MYEF2: variants seen among roughly 807,000 people sequenced by gnomAD.
The protein encoded by MYEF2 is myelin expression factor 2.
In MYEF2, 37 loss-of-function variants were observed where a neutral mutation model predicts 75.2. The ratio of observed to expected loss-of-function variants is 0.49; its 90% CI spans 0.38 to 0.65. The LOEUF (loss-of-function observed/expected upper bound fraction) is 0.65. Among genes scored for constraint, MYEF2 ranks in the 30% least tolerant of loss-of-function variants. MYEF2 has a pLI of 0.00. For synonymous variants in MYEF2, 195 were observed against 241.6 expected (o/e 0.81, Z 1.79); for missense variants, 634 against 771.4 (o/e 0.82, Z 2.11).
chr15:48,151,144 C>T lies in MYEF2; in HGVS notation c.1334G>A (p.Gly445Glu), dbSNP rs1387991306. Residue 445 changes from glycine (G) to glutamate (E), a missense_variant, in exon 14 of 17, where the codon GGA becomes GAA. Physicochemically the swap from Gly to Glu is moderately conservative, Grantham distance 98 (BLOSUM62 -2). Coordinates refer to ENST00000324324, the MANE Select transcript of MYEF2 (RefSeq NM_016132.5). ...LGSAMIGGFA[G>E]RIGSSNMGPV... ...ACCCATGTTAGAAGATCCTATTCTT[C>T]CTGCAAACCCTCCAATCATTGCACT... is the stretch of plus-strand genomic sequence containing the variant. The T allele has an allele frequency of 1.2e-6, 2 of 1,610,792 alleles. No individual in the cohort carries two copies. Among genetic ancestry groups the T allele is most frequent in the South Asian group, 1.1e-5 (1 of 90,698 alleles).
intron 5 of MYEF2, chr15:48,162,975 G>A (rs1270777589): frequency 6.6e-6 from 1 of 152,096 alleles, no homozygotes; most frequent in African/African-American, 2.4e-5. Flanking sequence ...AAAAGAAAGA[G>A]TTGCAAGTCT....
intron 14 of MYEF2, among the ~76,000 whole-genome samples, chr15:48,150,589 C>T (rs1457039904): frequency 6.6e-6 from 1 of 151,922 alleles, no homozygotes; most frequent in Non-Finnish European, 1.5e-5. Context: ...CCCAGTGTTG[C>T]AACTACTCTT....
chr15:48,163,270 A>C (rs1013486786), intron 5 of MYEF2, among the ~76,000 whole-genome samples: 1 of 152,228 alleles, frequency 6.6e-6, no homozygotes, highest in African/African-American at 2.4e-5. Context: ...GTTTGTGCTT[A>C]TAACATTTCA....
In MYEF2 at chr15:48,141,195, T is replaced by C. The variant is rs569067927; in HGVS notation, c.*1713A>G. 263 of 1,613,414 alleles carry C rather than the reference T, an allele frequency of 1.6e-4. 2 individuals are homozygous for C. The South Asian group carries it at 2.7e-3, about 16-fold the overall frequency. The stretch of plus-strand genomic sequence containing the variant: ...CAAGCATACCAGACACAATTGCAAG[T>C]GTGTTGGTTGCAAGAAAAGGTAAGA... On this transcript the variant is annotated 3_prime_UTR_variant, in exon 17 of 17. Transcript: ENST00000324324.
chr15:48,174,844 T>C (rs1358868448), intron 1 of MYEF2, among the ~76,000 whole-genome samples: 3 of 152,058 alleles, frequency 2.0e-5, no homozygotes, highest in South Asian at 2.1e-4. Context: ...GGTGGGAATA[T>C]ACATTGGTAC....
chr15:48,148,924 G>A, intron 16 of MYEF2, 108 bp downstream of exon 16: 2 of 1,087,506 alleles, frequency 1.8e-6, no homozygotes, highest in Non-Finnish European at 2.8e-6. Flanking sequence ...AGACTATCCA[G>A]GAATAGGCAT....
intron 13 of MYEF2, 84 bp downstream of exon 13, chr15:48,151,389 C>A: frequency 1.5e-6 from 2 of 1,293,400 alleles, no homozygotes; most frequent in East Asian, 4.6e-5. Context: ...TTATGATTTT[C>A]TGATTTTTCA....
chr15:48,166,362 C>T (rs933333927), intron 3 of MYEF2, among the ~76,000 whole-genome samples: 7 of 151,820 alleles, frequency 4.6e-5, no homozygotes, highest in Admixed American at 2.0e-4. Flanking sequence ...GCTTGGAGCA[C>T]ATTTTTCACT....
chr15:48,135,046 T>A lies in MYEF2; in HGVS notation c.*7862A>T. The A allele has an allele frequency of 7.5e-7, 1 of 1,331,054 alleles. No homozygotes were observed. The allele number at this position is 1,331,054 out of a possible 1,614,324, so 82.5% of individuals were successfully genotyped here. The stretch of plus-strand genomic sequence containing the variant: ...ATTTTATGAATTTCTGATGGTTCAG[T>A]AATTTTTTTTCAGAAATGTTATTTC... On this transcript the variant is annotated 3_prime_UTR_variant, in exon 17 of 17. Coordinates refer to ENST00000324324, the MANE Select transcript of MYEF2 (RefSeq NM_016132.5).
Position 48,141,494 on chromosome 15 carries a change from T to C in MYEF2, c.*1414A>G, listed in dbSNP as rs2039083501. On this transcript the variant is annotated 3_prime_UTR_variant, in exon 17 of 17. Transcript: ENST00000324324. ...CAGGAGGCTGAGGCAGGAGAATTGT[T>C]TGAATCCAGGAGGCGGAGGTTGCAG... The C allele has an allele frequency of 4.4e-6, 1 of 228,352 alleles. No individual in the cohort carries two copies. Among genetic ancestry groups the C allele is most frequent in the Non-Finnish European group, 8.7e-6 (1 of 115,082 alleles). 14.1% of individuals were successfully genotyped at this position (228,352 alleles called of 1,614,324 possible). A position where few individuals can be genotyped will look rare whatever the true frequency, so the allele number is the denominator to read the frequency against.
chr15:48,150,069 A>T (rs1372695873), intron 14 of MYEF2: 2 of 152,078 alleles, frequency 1.3e-5, no homozygotes, highest in Non-Finnish European at 2.9e-5. Context: ...CTTCATTCTT[A>T]TGCACTGACT....
chr15:48,168,760 G>T lies in MYEF2; in HGVS notation c.241C>A (p.His81Asn). The T allele has an allele frequency of 6.2e-7, 1 of 1,613,670 alleles. No individual in the cohort carries two copies. Among genetic ancestry groups the T allele is most frequent in the Non-Finnish European group, 8.5e-7 (1 of 1,179,702 alleles). ...STGSKKANRFHPYSKDKNSGA... is the reference protein window; with the variant it reads ...STGSKKANRFNPYSKDKNSGA... ...GAATTCTTGTCTTTTGAATAAGGAT[G>T]AAATCTATTGGCCTTCTTACTTCCT... Residue 81 changes from histidine (H) to asparagine (N), a missense_variant, in exon 2 of 17, where the codon CAT becomes AAT. Coordinates refer to ENST00000324324, the MANE Select transcript of MYEF2 (RefSeq NM_016132.5).
rs780154711 is a variant in MYEF2 at position 48,168,627 on chromosome 15, T to C, written c.370+4A>G. 6 of 1,600,972 alleles carry C rather than the reference T, an allele frequency of 3.7e-6. No individual in the cohort carries two copies. The highest frequency in any genetic ancestry group is 5.1e-6 in the Non-Finnish European group (6 of 1,168,950). On this transcript the variant is annotated splice_donor_region_variant and intron_variant, in intron 2 of 16. Coordinates refer to ENST00000324324, the MANE Select transcript of MYEF2 (RefSeq NM_016132.5). ...CAACAGTGGGTTATTTCAGAGATAG[T>C]TACCTTTCTCTCTCATTAGATCTTT...
chr15:48,151,499 C>T lies in MYEF2; in HGVS notation c.1280G>A (p.Gly427Asp), dbSNP rs754176164. The change falls in exon 13 of 17, where the codon GGC (glycine) becomes GAC (aspartate). Residue 427 changes from glycine (G) to aspartate (D), a missense_variant. Physicochemically the swap from Gly to Asp is moderately conservative, Grantham distance 94 (BLOSUM62 -1). Transcript: ENST00000324324. ...FGRGDIGINR[G>D]FGDSFGRLGS... ...AAGTCTACCAAAGGAATCTCCAAAG[C>T]CTCGATTTATTCCAATATCACCACG... The T allele has an allele frequency of 2.5e-6, 4 of 1,612,868 alleles. No individual in the cohort carries two copies. Among genetic ancestry groups the T allele is most frequent in the Non-Finnish European group, 3.4e-6 (4 of 1,179,186 alleles).
At chr15:48,151,602 T>A (rs1263673012) in intron 12 of MYEF2, 31 bp from the exon 13 acceptor site, 1 of 1,537,808 alleles carries the variant, frequency 6.5e-7, no homozygotes, top group African/African-American at 1.4e-5. Context: ...ATTAACCTTT[T>A]CAAATATATC....
At position 48,155,147 on chromosome 15, in the gene MYEF2, TAA is replaced by T. The variant is rs2039644256; in HGVS notation, c.986-1256_986-1255del. Among the ~76,000 whole-genome samples the T allele has an allele frequency of 2.0e-5, 3 of 152,014 alleles. No individual in the cohort carries two copies. The South Asian group carries it at 6.2e-4, about 32-fold the overall frequency. On this transcript the variant is annotated intron_variant, in intron 9 of 16. Transcript: ENST00000324324. ...AAAAAAACTATCAAAGTGATTTTTT[TAA>T]AAAGTCTAAGCCCAGCAATAACACC...
intron 5 of MYEF2, among the ~76,000 whole-genome samples, chr15:48,160,179 CA>C (rs1352055673): frequency 3.9e-5 from 6 of 152,024 alleles, no homozygotes; most frequent in African/African-American, 1.2e-4. Flanking sequence ...ATTGGATGCC[CA>C]ATGGAATGCC....
At position 48,159,738 on chromosome 15, in the gene MYEF2, C is replaced by T. The variant is rs754292949; in HGVS notation, c.592G>A (p.Val198Ile). ...ATCAACCCTGATCCCATATCAGGGA[C>T]GTGTCCTCCTGGAAATGATCCTCCT... ...RTGGSFPGGH[V>I]PDMGSGLMNL... Residue 198 changes from valine (V) to isoleucine (I), a missense_variant, in exon 6 of 17, where the codon GTC (valine) becomes ATC (isoleucine). By Grantham distance (29) the Val-to-Ile change is conservative. Coordinates refer to ENST00000324324, the MANE Select transcript of MYEF2 (RefSeq NM_016132.5). 2 of 1,613,518 alleles carry T rather than the reference C, an allele frequency of 1.2e-6. No homozygotes were observed. Among genetic ancestry groups the T allele is most frequent in the African/African-American group, 1.3e-5 (1 of 74,876 alleles).
Position 48,142,240 on chromosome 15 carries a change from CAG to C in MYEF2, c.*666_*667del, listed in dbSNP as rs778847387. On this transcript the variant is annotated 3_prime_UTR_variant, in exon 17 of 17. Coordinates refer to ENST00000324324, the MANE Select transcript of MYEF2 (RefSeq NM_016132.5). Reference sequence around the variant, plus strand: ...TTCACTTCAATGGCTGGAAACTAGACAGAAAGTTGGGAATAGTCTGCCTATTA... The same window carrying C: ...TTCACTTCAATGGCTGGAAACTAGACAAAGTTGGGAATAGTCTGCCTATTA... 1 of 1,613,546 alleles carries C rather than the reference CAG, an allele frequency of 6.2e-7. No individual in the cohort carries two copies. The highest frequency in any genetic ancestry group is 1.3e-5 in the African/African-American group (1 of 74,958).
Sources: gnomAD v4.1 joint callset for allele counts (sites outside exome capture counted in the v4.1 genomes callset) on GRCh38, gnomAD v4.1.1 for gene constraint, MANE v1.5 for transcripts, NCBI Gene and HGNC (gene_info 2026-07-23, HGNC 2026-07-21) for gene names.